Variants in IPPK observed in about 807,000 individuals in gnomAD.
IPPK encodes inositol-pentakisphosphate 2-kinase.
Under a neutral mutation model 64.6 loss-of-function variants are expected in IPPK, and 22 were observed. The ratio of observed to expected loss-of-function variants is 0.34; its 90% CI spans 0.24 to 0.49. IPPK has a LOEUF of 0.49. Ranked by LOEUF, IPPK falls within the 20% of genes least tolerant of loss-of-function variation. The pLI is 0.99. For synonymous variants in IPPK, 262 were observed against 247.2 expected (o/e 1.06, Z -0.56); for missense variants, 532 against 630.7 (o/e 0.84, Z 1.68).
At chr9:92,620,993 C>T (rs937953577) in intron 11 of IPPK, among the ~76,000 whole-genome samples, 13 of 152,314 alleles carry the variant, frequency 8.5e-5, no homozygotes, top group Admixed American at 4.6e-4. Context: ...AAGACCAGGG[C>T]GCCAGCAGAT....
At chr9:92,616,163 T>C (rs1851426115) in intron 12 of IPPK, 106 bp from the exon 13 acceptor site, 1 of 752,314 alleles carries the variant, frequency 1.3e-6, no homozygotes, top group Admixed American at 2.8e-5. Flanking sequence ...TTTATGTTTT[T>C]TCTTTGACTT....
chr9:92,622,526 A>G (rs1292252969), intron 11 of IPPK, among the ~76,000 whole-genome samples: 2 of 152,142 alleles, frequency 1.3e-5, no homozygotes, highest in Admixed American at 6.5e-5. Context: ...TAAAGATGCC[A>G]TTTACATCTA....
intron 2 of IPPK, 86 bp from the exon 3 acceptor site, chr9:92,656,637 A>C (rs961041130): frequency 2.4e-6 from 2 of 826,104 alleles, no homozygotes; most frequent in East Asian, 2.5e-5. Context: ...ACCACCACGG[A>C]CCCCACCACA....
intron 1 of IPPK, 90 bp downstream of exon 1, chr9:92,669,818 C>T: frequency 3.1e-6 from 3 of 963,854 alleles, no homozygotes; most frequent in Non-Finnish European, 4.8e-6. Context: ...GACGTGGAAC[C>T]GACCCTGTTG....
chr9:92,634,492 A>T lies in IPPK; in HGVS notation c.1068-4T>A. ...CCCATCTATTTGTAAGGTTTTTCTG[A>T]AGAAGAAAGCACAATAAAAACAGGA... On this transcript the variant is annotated splice_polypyrimidine_tract_variant and splice_region_variant and intron_variant, in intron 10 of 12. Coordinates refer to ENST00000287996, the MANE Select transcript of IPPK (RefSeq NM_022755.6). The T allele has an allele frequency of 1.2e-6, 2 of 1,606,426 alleles. No homozygotes were observed. The highest frequency in any genetic ancestry group is 8.5e-7 in the Non-Finnish European group (1 of 1,172,972).
chr9:92,642,342 CA>C (rs1317600545), intron 7 of IPPK, among the ~76,000 whole-genome samples: 1 of 152,270 alleles, frequency 6.6e-6, no homozygotes, highest in Admixed American at 6.5e-5. Flanking sequence ...AGGCTGCAAG[CA>C]GACCTTGCCG....
At chr9:92,640,660 C>G in intron 8 of IPPK, 50 bp downstream of exon 8, 1 of 1,288,678 alleles carries the variant, frequency 7.8e-7, no homozygotes, top group Non-Finnish European at 1.1e-6. Flanking sequence ...GTCACTTGAA[C>G]CTTTGCCAGC....
intron 1 of IPPK, among the ~76,000 whole-genome samples, chr9:92,668,733 A>T (rs1352760615): frequency 1.3e-5 from 2 of 152,210 alleles, no homozygotes; most frequent in African/African-American, 2.4e-5. Flanking sequence ...TCCATTATTA[A>T]TTCACCTAAA....
At chr9:92,630,583 T>C (rs1179285903) in intron 11 of IPPK, among the ~76,000 whole-genome samples, 1 of 151,824 alleles carries the variant, frequency 6.6e-6, no homozygotes, top group Non-Finnish European at 1.5e-5. Flanking sequence ...AATGGAGAAA[T>C]AGCTAAGCTA....
chr9:92,667,217 C>T (rs1852618108), intron 1 of IPPK, among the ~76,000 whole-genome samples: 1 of 152,218 alleles, frequency 6.6e-6, no homozygotes, highest in African/African-American at 2.4e-5. Context: ...TGAGGTGGAT[C>T]TAAGGAGTAC....
At chr9:92,624,958 T>G (rs1432503429) in intron 11 of IPPK, among the ~76,000 whole-genome samples, 2 of 150,238 alleles carry the variant, frequency 1.3e-5, no homozygotes, top group Admixed American at 6.6e-5. Flanking sequence ...ATCTCGTAAG[T>G]CAAGTTCAAA....
chr9:92,649,162 C>A (rs923084944), intron 5 of IPPK, among the ~76,000 whole-genome samples: 62 of 152,356 alleles, frequency 4.1e-4, no homozygotes, highest in Non-Finnish European at 3.4e-4. Flanking sequence ...ACGCGCTTCC[C>A]TCTGGTGACC....
intron 12 of IPPK, chr9:92,617,347 A>G (rs965574317): frequency 6.6e-6 from 1 of 152,266 alleles, no homozygotes; most frequent in African/African-American, 2.4e-5. Context: ...CAGAAGCAGC[A>G]CCTGACAAGA....
At chr9:92,645,267 G>C (rs1242969782) in intron 6 of IPPK, among the ~76,000 whole-genome samples, 1 of 152,024 alleles carries the variant, frequency 6.6e-6, no homozygotes, top group Non-Finnish European at 1.5e-5. Context: ...GGGTGCGCCT[G>C]TAGTCCCAGC....
intron 11 of IPPK, among the ~76,000 whole-genome samples, chr9:92,626,975 A>T (rs1851746416): frequency 6.6e-6 from 1 of 151,968 alleles, no homozygotes; most frequent in Non-Finnish European, 1.5e-5. Context: ...AATTATTTTC[A>T]AAACTGTGGA....
intron 1 of IPPK, among the ~76,000 whole-genome samples, chr9:92,661,859 C>T (rs1852491359): frequency 1.3e-5 from 2 of 152,236 alleles, no homozygotes; most frequent in Admixed American, 6.5e-5. Flanking sequence ...CTGGGCTGGC[C>T]GAGGTGGGTG....
At chr9:92,668,352 A>T (rs972680134) in intron 1 of IPPK, among the ~76,000 whole-genome samples, 1 of 152,196 alleles carries the variant, frequency 6.6e-6, no homozygotes, top group Non-Finnish European at 1.5e-5. Flanking sequence ...GGAGATGCCT[A>T]CTCAGGGAAG....
In IPPK at chr9:92,634,442, T is replaced by G. The variant is rs1334988970; in HGVS notation, c.1114A>C (p.Lys372Gln). Reference sequence around the variant, plus strand: ...TCCTCAGTGGAAAGGTCAAGCAGCTTCTGGTAAAATGCTTCATCATAAGGC... The same window carrying G: ...TCCTCAGTGGAAAGGTCAAGCAGCTGCTGGTAAAATGCTTCATCATAAGGC... ...DGPYDEAFYQ[K>Q]LLDLSTEDDG... is the part of the protein sequence containing the mutation. Residue 372 changes from lysine to glutamine, a missense_variant, in exon 11 of 13, where the codon AAG becomes CAG. Coordinates refer to ENST00000287996, the MANE Select transcript of IPPK (RefSeq NM_022755.6). 1.2e-6 allele frequency: 2 copies of G among 1,614,036 alleles called. No individual in the cohort carries two copies. The highest frequency in any genetic ancestry group is 2.7e-5 in the African/African-American group (2 of 74,930).
chr9:92,662,234 G>A (rs189499796), intron 1 of IPPK, among the ~76,000 whole-genome samples: 5 of 152,260 alleles, frequency 3.3e-5, no homozygotes, highest in African/African-American at 1.2e-4. Context: ...TGTTAAAAGT[G>A]AAGAAAAAGG....
Sources: allele counts gnomAD v4.1 joint callset (sites outside exome capture counted in the v4.1 genomes callset), GRCh38; gene constraint gnomAD v4.1.1; transcripts MANE v1.5; gene names NCBI Gene and HGNC (gene_info 2026-07-23, HGNC 2026-07-21).